The following AUTS2 variants were observed in gnomAD, a reference collection of about 807,000 sequenced individuals.
AUTS2 encodes activator of transcription and developmental regulator AUTS2.
A neutral mutation model predicts 112.4 loss-of-function variants in AUTS2; 17 were observed. The ratio of observed to expected loss-of-function variants is 0.15; its 90% confidence interval spans 0.10 to 0.23. The LOEUF is 0.23. Ranked by LOEUF, AUTS2 falls within the 10% of genes least tolerant of loss-of-function variation. The pLI is 1.00. For missense variants in AUTS2, 1,510 were observed against 1,701.6 expected (o/e 0.89, Z 1.98); for synonymous variants, 751 against 702.7 (o/e 1.07, Z -1.09).
chr7:70,133,287 G>A (rs1303924448), intron 3 of AUTS2, among the ~76,000 whole-genome samples: 2 of 152,312 alleles, frequency 1.3e-5, no homozygotes, highest in Non-Finnish European at 2.9e-5. Context: ...ATCAAGAAGA[G>A]TCACCATCTG....
intron 2 of AUTS2, among the ~76,000 whole-genome samples, chr7:69,912,390 G>C (rs374216132): frequency 1.3e-5 from 2 of 152,176 alleles, no homozygotes; most frequent in African/African-American, 2.4e-5. Context: ...ACTCAGTGGA[G>C]GGTGGGGCTC....
chr7:70,441,357 C>T (rs2130933772), intron 5 of AUTS2, among the ~76,000 whole-genome samples: 1 of 152,230 alleles, frequency 6.6e-6, no homozygotes, highest in Admixed American at 6.5e-5. Context: ...TTCACACCTG[C>T]TTTCCCTCTT....
intron 4 of AUTS2, among the ~76,000 whole-genome samples, chr7:70,147,447 C>T (rs538379758): frequency 6.6e-6 from 1 of 152,064 alleles, no homozygotes; most frequent in African/African-American, 2.4e-5. Context: ...ACAGAGTTTA[C>T]ATGATGTTAG....
chr7:70,398,484 T>C (rs1161608225), intron 4 of AUTS2, among the ~76,000 whole-genome samples: 1 of 152,180 alleles, frequency 6.6e-6, no homozygotes, highest in Non-Finnish European at 1.5e-5. Flanking sequence ...TAGTTTTTTA[T>C]ATTTTTTGAT....
At chr7:70,125,154 C>T (rs1212920688) in intron 3 of AUTS2, among the ~76,000 whole-genome samples, 1 of 151,696 alleles carries the variant, frequency 6.6e-6, no homozygotes, top group African/African-American at 2.4e-5. Flanking sequence ...TATTGAATGC[C>T]AGACATTATA....
chr7:70,078,962 A>G lies in AUTS2; in HGVS notation c.523-39170A>G, dbSNP rs1420185003. Among the ~76,000 whole-genome samples the G allele has an allele frequency of 2.6e-5, 4 of 152,328 alleles. No homozygotes were observed. The East Asian group carries it at 5.8e-4, about 22-fold the overall frequency. On this transcript the variant is annotated intron_variant, in intron 2 of 18. Transcript: ENST00000342771. ...TAAAATAACTGTTAATGTCAAGACT[A>G]TATCTTTGCTTTTTTCTCCCTCAGC...
intron 5 of AUTS2, among the ~76,000 whole-genome samples, chr7:70,478,563 C>G (rs1183804572): frequency 1.3e-5 from 2 of 152,146 alleles, no homozygotes; most frequent in African/African-American, 2.4e-5. Context: ...ACCCAGACCA[C>G]TCAACCCTAT....
chr7:69,622,982 C>T (rs1793746400), intron 1 of AUTS2, among the ~76,000 whole-genome samples: 1 of 152,136 alleles, frequency 6.6e-6, no homozygotes, highest in Non-Finnish European at 1.5e-5. Flanking sequence ...ACGGAGTCTC[C>T]TTATGTTGCC....
At chr7:70,329,210 T>C (rs1006178920) in intron 4 of AUTS2, among the ~76,000 whole-genome samples, 2 of 152,256 alleles carry the variant, frequency 1.3e-5, no homozygotes, top group Non-Finnish European at 2.9e-5. Flanking sequence ...TTATACCTTT[T>C]GGCTATTGTG....
intron 16 of AUTS2, 92 bp from the exon 17 acceptor site, chr7:70,785,863 A>AG: frequency 8.5e-7 from 1 of 1,180,380 alleles, no homozygotes. Context: ...TAGAGAGGGC[A>AG]GGGATCCCGC....
intron 10 of AUTS2, among the ~76,000 whole-genome samples, chr7:70,769,554 G>A (rs1042267704): frequency 2.0e-5 from 3 of 152,118 alleles, no homozygotes; most frequent in Admixed American, 6.5e-5. Flanking sequence ...GCGTGGTGGC[G>A]GGCACCTGTA....
chr7:69,815,475 G>C (rs912789184), intron 1 of AUTS2, among the ~76,000 whole-genome samples: 1 of 152,054 alleles, frequency 6.6e-6, no homozygotes, highest in Non-Finnish European at 1.5e-5. Context: ...TAGTACATTG[G>C]AGGAAATGCT....
intron 2 of AUTS2, among the ~76,000 whole-genome samples, chr7:69,923,773 A>G (rs1795904004): frequency 6.6e-6 from 1 of 152,158 alleles, no homozygotes; most frequent in South Asian, 2.1e-4. Context: ...GTAGAAATTC[A>G]CTGATTTTTG....
chr7:69,744,183 T>C (rs1295802078), intron 1 of AUTS2, among the ~76,000 whole-genome samples: 3 of 152,182 alleles, frequency 2.0e-5, no homozygotes, highest in Non-Finnish European at 4.4e-5. Context: ...CTGTTGAATG[T>C]ACTACAGTGT....
intron 2 of AUTS2, 25 bp downstream of exon 2, chr7:69,899,523 T>C: frequency 6.2e-7 from 1 of 1,610,314 alleles, no homozygotes; most frequent in East Asian, 2.2e-5. Context: ...GTTCGCTCTT[T>C]CCTGTGGCGG....
At chr7:70,640,292 G>A (rs1805744451) in intron 5 of AUTS2, among the ~76,000 whole-genome samples, 1 of 151,888 alleles carries the variant, frequency 6.6e-6, no homozygotes, top group Non-Finnish European at 1.5e-5. Context: ...ATGGTAGGAA[G>A]ACAGGTTAGG....
At chr7:70,177,215 T>C (rs1584835708) in intron 4 of AUTS2, among the ~76,000 whole-genome samples, 1 of 152,214 alleles carries the variant, frequency 6.6e-6, no homozygotes, top group East Asian at 1.9e-4. Flanking sequence ...GTGTGCCAAG[T>C]ACTGTTCTAA....
At chr7:70,653,803 C>T (rs1806632202) in intron 5 of AUTS2, among the ~76,000 whole-genome samples, 1 of 152,144 alleles carries the variant, frequency 6.6e-6, no homozygotes, top group African/African-American at 2.4e-5. Flanking sequence ...GCTCTCAACC[C>T]TGGTGTTGGG....
At chr7:69,923,925 G>T (rs545625653) in intron 2 of AUTS2, among the ~76,000 whole-genome samples, 77 of 152,152 alleles carry the variant, frequency 5.1e-4, no homozygotes, top group African/African-American at 1.7e-3. Flanking sequence ...CCTAATCTGG[G>T]TATCTTCTCT....
Sources: allele counts gnomAD v4.1 joint callset (sites outside exome capture counted in the v4.1 genomes callset), GRCh38; gene constraint gnomAD v4.1.1; transcripts MANE v1.5; gene names NCBI Gene and HGNC (gene_info 2026-07-23, HGNC 2026-07-21).